Variants in ME1 observed in about 807,000 individuals in gnomAD.
The protein encoded by ME1 is malic enzyme 1, also known as NADP-dependent malic enzyme.
In ME1, 74 loss-of-function variants were observed where a neutral mutation model predicts 66.4. The observed-to-expected ratio is 1.11, with a 90% CI of 0.92 to 1.35. ME1 has a LOEUF of 1.35. Among genes scored for constraint, ME1 ranks in the 40% most tolerant of loss-of-function variants. The pLI is 0.00. For synonymous variants in ME1, 251 were observed against 235.6 expected, an observed-to-expected ratio of 1.07 and a Z score of -0.60; for missense variants, 750 against 694.1, an observed-to-expected ratio of 1.08 and a Z score of -0.90.
intron 3 of ME1, among the ~76,000 whole-genome samples, chr6:83,368,933 T>C (rs1769146619): frequency 6.6e-6 from 1 of 152,152 alleles, no homozygotes; most frequent in Non-Finnish European, 1.5e-5. Context: ...TTTATTTTCA[T>C]TTCCCTCTGC....
At chr6:83,262,731 G>C (rs540724063) in intron 6 of ME1, among the ~76,000 whole-genome samples, 1 of 152,124 alleles carries the variant, frequency 6.6e-6, no homozygotes, top group East Asian at 1.9e-4. Context: ...AACACCCAAG[G>C]TTCCAGAAAA....
chr6:83,212,645 C>A (rs923703477), intron 13 of ME1, among the ~76,000 whole-genome samples: 1 of 152,184 alleles, frequency 6.6e-6, no homozygotes, highest in African/African-American at 2.4e-5. Flanking sequence ...TCTGGGGACC[C>A]CTCAGAGCTG....
In ME1 at chr6:83,229,063, T is replaced by G. The variant is rs925181262; in HGVS notation, c.1027-132A>C. On this transcript the variant is annotated intron_variant, in intron 9 of 13. Coordinates refer to ENST00000369705, the MANE Select transcript of ME1 (RefSeq NM_002395.6). ...ATGTGTTACAGCTATTCTTAAAATC[T>G]CTTCTTCAATTGTCAGAATGTTATT... 3 of 648,236 alleles carry G rather than the reference T, an allele frequency of 4.6e-6. No homozygotes were observed. The African/African-American group carries it at 5.5e-5, about 12-fold the overall frequency. The allele number at this position is 648,236 out of a possible 1,614,324, so 40.2% of individuals were successfully genotyped here. A position where few individuals can be genotyped will look rare whatever the true frequency, so the allele number is the denominator to read the frequency against.
At chr6:83,228,268 G>T (rs1790235981) in intron 10 of ME1, among the ~76,000 whole-genome samples, 1 of 152,188 alleles carries the variant, frequency 6.6e-6, no homozygotes, top group South Asian at 2.1e-4. Flanking sequence ...AAAGATTTGT[G>T]AGATGTGATC....
chr6:83,423,106 G>A (rs1169302219), intron 1 of ME1, among the ~76,000 whole-genome samples: 5 of 151,276 alleles, frequency 3.3e-5, no homozygotes, highest in Non-Finnish European at 7.4e-5. Context: ...AAAACATCCA[G>A]AGAAAACTGA....
chr6:83,364,932 C>T (rs1164904430), intron 3 of ME1, among the ~76,000 whole-genome samples: 1 of 152,068 alleles, frequency 6.6e-6, no homozygotes, highest in African/African-American at 2.4e-5. Flanking sequence ...ATGCCCCACT[C>T]ACCTCACTCA....
chr6:83,253,275 T>A (rs1790754198), intron 7 of ME1, among the ~76,000 whole-genome samples: 1 of 152,146 alleles, frequency 6.6e-6, no homozygotes, highest in Non-Finnish European at 1.5e-5. Flanking sequence ...GGGTAAAGCA[T>A]AAAAATTGTG....
intron 3 of ME1, among the ~76,000 whole-genome samples, chr6:83,381,281 G>T (rs1384095205): frequency 6.6e-6 from 1 of 152,080 alleles, no homozygotes; most frequent in African/African-American, 2.4e-5. Flanking sequence ...TTCTGGGAGG[G>T]CAAGAAAGGA....
intron 3 of ME1, among the ~76,000 whole-genome samples, chr6:83,356,138 C>T (rs528547801): frequency 1.3e-5 from 2 of 152,224 alleles, no homozygotes; most frequent in African/African-American, 2.4e-5. Context: ...TTATAACATG[C>T]AACTTTCTAC....
chr6:83,223,832 A>G lies in ME1; in HGVS notation c.1377T>C (p.Pro459=). 5 of 1,614,034 alleles carry G rather than the reference A, an allele frequency of 3.1e-6. No individual in the cohort carries two copies. Among genetic ancestry groups the G allele is most frequent in the Non-Finnish European group, 4.2e-6 (5 of 1,179,902 alleles). Residue 459 remains proline (P), a synonymous_variant, in exon 12 of 14, where the codon CCT becomes CCC. Transcript: ENST00000369705. ...PGQGNNSYVF[P]GVALGVVACG... ...ACGCCACAACACCAAGAGCAACTCCAGGGAACACATAGGAATTGTTGCCTT... is the reference window on the plus strand; with the variant it reads ...ACGCCACAACACCAAGAGCAACTCCGGGGAACACATAGGAATTGTTGCCTT...
chr6:83,213,061 C>A (rs1789925928), intron 13 of ME1, among the ~76,000 whole-genome samples: 1 of 141,516 alleles, frequency 7.1e-6, no homozygotes. Context: ...GAGATGGAGT[C>A]TTACTCTGTC....
At chr6:83,226,780 AAAG>A (rs143864433) in intron 11 of ME1, among the ~76,000 whole-genome samples, 8,174 of 152,188 alleles carry the variant, frequency 0.054, 693 homozygotes, top group African/African-American at 0.18. Flanking sequence ...TGAAGGGAAA[AAAG>A]GCTCCTTTCA....
intron 3 of ME1, among the ~76,000 whole-genome samples, chr6:83,369,754 G>T (rs114329786): frequency 6.6e-6 from 1 of 151,762 alleles, no homozygotes; most frequent in East Asian, 1.9e-4. Context: ...CATAGAAAAC[G>T]ATTTTTTTAT....
chr6:83,301,327 T>C (rs1172050147), intron 6 of ME1, among the ~76,000 whole-genome samples: 2 of 138,606 alleles, frequency 1.4e-5, no homozygotes, highest in Non-Finnish European at 3.1e-5. Flanking sequence ...TCTCTCTCTC[T>C]CTCTCTCTCT....
Position 83,315,433 on chromosome 6 carries a change from TA to T in ME1, c.601-21del. The T allele has an allele frequency of 5.8e-6, 8 of 1,381,254 alleles. No individual in the cohort carries two copies. The highest frequency in any genetic ancestry group is 7.1e-6 in the Non-Finnish European group (7 of 983,802). The allele number at this position is 1,381,254 out of a possible 1,614,324, so 85.6% of individuals were successfully genotyped here. A position where few individuals can be genotyped will look rare whatever the true frequency, so the allele number is the denominator to read the frequency against. ...TAACTCCTATTAAAAAAAGTTACCA[TA>T]AAAATAGAAATAACTATAACCAAAT... On this transcript the variant is annotated intron_variant, in intron 5 of 13. Transcript: ENST00000369705.
At chr6:83,401,776 C>T (rs1769845747) in intron 2 of ME1, among the ~76,000 whole-genome samples, 1 of 152,190 alleles carries the variant, frequency 6.6e-6, no homozygotes, top group Admixed American at 6.5e-5. Context: ...ATAGCCACTT[C>T]TGAGTGTTCA....
Position 83,320,328 on chromosome 6 carries a change from T to C in ME1, c.601-4915A>G, listed in dbSNP as rs1768127140. Among the ~76,000 whole-genome samples the C allele has an allele frequency of 2.0e-5, 3 of 152,250 alleles. No individual in the cohort carries two copies. In the South Asian group the frequency reaches 6.2e-4, roughly 31 times the overall value. On this transcript the variant is annotated intron_variant, in intron 5 of 13. Transcript: ENST00000369705. ...GAAATTATAGCCCAGTTCTTCACAC[T>C]TGTTGTCCTGTTGTAATTAGTAATG...
intron 6 of ME1, among the ~76,000 whole-genome samples, chr6:83,272,572 G>A (rs920402580): frequency 1.3e-5 from 2 of 152,054 alleles, no homozygotes; most frequent in South Asian, 4.1e-4. Flanking sequence ...ATATTCCCAC[G>A]GTTCTATACT....
At chr6:83,414,475 C>T (rs1770121603) in intron 1 of ME1, among the ~76,000 whole-genome samples, 2 of 152,042 alleles carry the variant, frequency 1.3e-5, no homozygotes, top group Admixed American at 1.3e-4. Context: ...TCAGCTAAGT[C>T]TTGGCCTTTG....
Sources: gnomAD v4.1 joint callset for allele counts (sites outside exome capture counted in the v4.1 genomes callset) on GRCh38, gnomAD v4.1.1 for gene constraint, MANE v1.5 for transcripts, NCBI Gene and HGNC (gene_info 2026-07-23, HGNC 2026-07-21) for gene names.